SPON1: variants seen among roughly 807,000 people sequenced by gnomAD.
SPON1 encodes the protein spondin-1.
A neutral mutation model predicts 111.7 loss-of-function variants in SPON1; 52 were observed. That is an observed-to-expected ratio of 0.47 (90% CI 0.37 to 0.59). The LOEUF (loss-of-function observed/expected upper bound fraction) is 0.59. SPON1 is among the 20% of genes least tolerant of loss of function. SPON1 has a pLI of 0.00. For missense variants in SPON1, 957 were observed against 1,068.5 expected (o/e 0.90, Z 1.46); for synonymous variants, 410 against 395.8 (o/e 1.04, Z -0.43).
At chr11:14,063,860 C>T (rs543057558) in intron 3 of SPON1, among the ~76,000 whole-genome samples, 2 of 152,322 alleles carry the variant, frequency 1.3e-5, no homozygotes, top group Non-Finnish European at 2.9e-5. Context: ...TTGCCATCAG[C>T]CAAACTGCCT....
chr11:14,157,435 G>T (rs558475828), intron 6 of SPON1, among the ~76,000 whole-genome samples: 1 of 152,144 alleles, frequency 6.6e-6, no homozygotes, highest in Non-Finnish European at 1.5e-5. Flanking sequence ...AAAATAACAT[G>T]TCTTTTTACA....
intron 6 of SPON1, among the ~76,000 whole-genome samples, chr11:14,226,879 C>A (rs1848746228): frequency 6.6e-6 from 1 of 152,184 alleles, no homozygotes; most frequent in African/African-American, 2.4e-5. Context: ...CAGTGGCTGC[C>A]AGTCTTCCTT....
At chr11:13,982,692 A>G (rs868921198) in intron 1 of SPON1, among the ~76,000 whole-genome samples, 155 bp from the exon 2 acceptor site, 34 of 152,206 alleles carry the variant, frequency 2.2e-4, no homozygotes, top group African/African-American at 8.0e-4. Context: ...AGAGGGTAAG[A>G]GTTCTCACCT....
intron 2 of SPON1, among the ~76,000 whole-genome samples, chr11:13,995,378 C>T (rs1848263337): frequency 6.6e-6 from 1 of 152,128 alleles, no homozygotes; most frequent in Non-Finnish European, 1.5e-5. Context: ...TTAATTGACT[C>T]ACAGTTCTGC....
At chr11:14,148,297 T>C (rs1384331622) in intron 6 of SPON1, among the ~76,000 whole-genome samples, 2 of 152,188 alleles carry the variant, frequency 1.3e-5, no homozygotes, top group African/African-American at 4.8e-5. Context: ...AGATGTGTAC[T>C]TACGTCTCTT....
At chr11:14,075,295 C>A in intron 3 of SPON1, 50 bp from the exon 4 acceptor site, 1 of 1,445,356 alleles carries the variant, frequency 6.9e-7, no homozygotes, top group Non-Finnish European at 9.5e-7. Flanking sequence ...TCTCCCAAAC[C>A]TGCCTTCCTG....
intron 6 of SPON1, among the ~76,000 whole-genome samples, chr11:14,213,280 G>C (rs1848594524): frequency 1.3e-5 from 2 of 152,168 alleles, no homozygotes; most frequent in Admixed American, 6.5e-5. Flanking sequence ...AACACTTTGT[G>C]TAAGAAAAGG....
At chr11:14,160,094 C>T (rs1847892295) in intron 6 of SPON1, among the ~76,000 whole-genome samples, 2 of 151,664 alleles carry the variant, frequency 1.3e-5, no homozygotes, top group Admixed American at 1.3e-4. Flanking sequence ...ATGGATACTC[C>T]AATCCCCATA....
At chr11:14,163,013 T>A (rs1399083676) in intron 6 of SPON1, among the ~76,000 whole-genome samples, 1 of 152,206 alleles carries the variant, frequency 6.6e-6, no homozygotes, top group African/African-American at 2.4e-5. Flanking sequence ...TGAATCTACA[T>A]CTTTTTGAAG....
chr11:14,004,765 TTTTG>T (rs1201762433), intron 2 of SPON1, among the ~76,000 whole-genome samples: 5 of 152,242 alleles, frequency 3.3e-5, no homozygotes, highest in African/African-American at 4.8e-5. Context: ...AAATGCAGTT[TTTTG>T]TTTGTTTGTT....
At chr11:14,261,734 A>ATAGCCTT (rs1165859345) in intron 14 of SPON1, among the ~76,000 whole-genome samples, 3 of 152,184 alleles carry the variant, frequency 2.0e-5, no homozygotes, top group African/African-American at 7.2e-5. Context: ...TTGGGGCCCC[A>ATAGCCTT]TAGCCTTCTG....
chr11:14,064,214 A>G (rs1848813530), intron 3 of SPON1, among the ~76,000 whole-genome samples: 1 of 152,258 alleles, frequency 6.6e-6, no homozygotes, highest in African/African-American at 2.4e-5. Context: ...GCAGAAATGC[A>G]AAATATAAAC....
At chr11:14,225,544 A>T (rs1278589615) in intron 6 of SPON1, among the ~76,000 whole-genome samples, 1 of 152,150 alleles carries the variant, frequency 6.6e-6, no homozygotes, top group Non-Finnish European at 1.5e-5. Flanking sequence ...GTGCTGTGCC[A>T]ATGAAGATAG....
chr11:13,992,627 G>T (rs554416296), intron 2 of SPON1, among the ~76,000 whole-genome samples: 57 of 152,270 alleles, frequency 3.7e-4, no homozygotes, highest in Admixed American at 3.1e-3. Flanking sequence ...AACTCCTGCA[G>T]CTAGTTCAGT....
Position 14,259,859 on chromosome 11 carries a change from A to G in SPON1, c.1831+158A>G, listed in dbSNP as rs1242721402. ...CTGCTGGGAGCCAGATGAGAGACAT[A>G]GGTGTGTAGACATCAACCAGACCCA... On this transcript the variant is annotated intron_variant, in intron 13 of 15. Coordinates refer to ENST00000576479, the MANE Select transcript of SPON1 (RefSeq NM_006108.4). The surrounding 1 kb of genome is among the most constrained non-coding windows in gnomAD (Gnocchi z 5.0). Among the ~76,000 whole-genome samples the G allele has an allele frequency of 2.6e-5, 4 of 152,232 alleles. No homozygotes were observed. The highest frequency in any genetic ancestry group is 9.6e-5 in the African/African-American group (4 of 41,460).
At chr11:14,130,790 C>T (rs1283214261) in intron 5 of SPON1, among the ~76,000 whole-genome samples, 5 of 151,754 alleles carry the variant, frequency 3.3e-5, no homozygotes, top group Non-Finnish European at 4.4e-5. Flanking sequence ...TTTTCCCAAT[C>T]TTTTACAGAT....
chr11:13,963,763 A>T (rs1173897224), intron 1 of SPON1, among the ~76,000 whole-genome samples: 3 of 152,110 alleles, frequency 2.0e-5, no homozygotes, highest in African/African-American at 7.2e-5. Context: ...ACCCCAAATT[A>T]TTCTCTCGTG....
In SPON1 at chr11:13,963,130, A is replaced by G. The variant is rs1340401032; in HGVS notation, c.226A>G (p.Thr76Ala). 4 of 1,513,844 alleles carry G rather than the reference A, an allele frequency of 2.6e-6. No individual in the cohort carries two copies. The highest frequency in any genetic ancestry group is 3.5e-6 in the Non-Finnish European group (4 of 1,128,860). 93.8% of individuals were successfully genotyped at this position (1,513,844 alleles called of 1,614,324 possible). The change falls in exon 1 of 16, where the codon ACC (threonine) becomes GCC (alanine). Residue 76 changes from threonine to alanine, a missense_variant. Physicochemically the swap from Thr to Ala is moderately conservative, Grantham distance 58. This residue lies in a region of SPON1 where 262 missense variants were observed against 253.9 expected (regional missense o/e 1.03). Coordinates refer to ENST00000576479, the MANE Select transcript of SPON1 (RefSeq NM_006108.4). ...CGACCCCGACTTCTACAAGCCGGGA[A>G]CCAGCTACCGCGGTAAGTGGCCGCC... ...EGDPDFYKPG[T>A]SYRVTLSAAP...
chr11:14,117,527 T>C (rs1157235319), intron 5 of SPON1, among the ~76,000 whole-genome samples: 1 of 152,230 alleles, frequency 6.6e-6, no homozygotes, highest in African/African-American at 2.4e-5. Flanking sequence ...GAATAAACCC[T>C]ACATTGTTAT....
Sources: allele counts gnomAD v4.1 joint callset (sites outside exome capture counted in the v4.1 genomes callset), GRCh38; gene constraint gnomAD v4.1.1; regional missense constraint gnomAD v4.1.1; non-coding constraint Gnocchi (gnomAD v3.1); transcripts MANE v1.5; gene names NCBI Gene and HGNC (gene_info 2026-07-23, HGNC 2026-07-21).